The following CDK14 variants were observed in gnomAD, a reference collection of about 807,000 sequenced individuals.
CDK14 encodes the protein cyclin-dependent kinase 14.
A neutral mutation model predicts 60.7 loss-of-function variants in CDK14; 34 were observed. The ratio of observed to expected loss-of-function variants is 0.56; its 90% CI spans 0.43 to 0.75. CDK14 has a LOEUF of 0.75. Ranked by LOEUF, CDK14 falls within the 30% of genes least tolerant of loss-of-function variation. The pLI is 0.00. For synonymous variants in CDK14, 197 were observed against 203.7 expected, an observed-to-expected ratio of 0.97 and a Z score of 0.28; for missense variants, 482 against 564.1, an observed-to-expected ratio of 0.85 and a Z score of 1.47.
chr7:91,005,852 C>G (rs1795967347), intron 10 of CDK14, among the ~76,000 whole-genome samples: 1 of 152,208 alleles, frequency 6.6e-6, no homozygotes, highest in African/African-American at 2.4e-5. Context: ...GGAGACCGTT[C>G]CTTGTGAGGC....
At chr7:91,119,225 A>C (rs1274291217) in intron 14 of CDK14, among the ~76,000 whole-genome samples, 1 of 152,210 alleles carries the variant, frequency 6.6e-6, no homozygotes, top group African/African-American at 2.4e-5. Context: ...ACATACCTGT[A>C]ATCCCAGCAC....
intron 2 of CDK14, among the ~76,000 whole-genome samples, chr7:90,674,982 T>A (rs1032951979): frequency 6.6e-6 from 1 of 152,236 alleles, no homozygotes; most frequent in Admixed American, 6.5e-5. Flanking sequence ...CCCCAAATCG[T>A]CAATTTCAGT....
At chr7:90,984,014 A>G (rs1795311781) in intron 9 of CDK14, 134 bp from the exon 10 acceptor site, 1 of 650,036 alleles carries the variant, frequency 1.5e-6, no homozygotes. Context: ...AATCTAAAAT[A>G]AAAGTTAGAG....
chr7:90,939,782 A>G (rs1393362556), intron 8 of CDK14, among the ~76,000 whole-genome samples: 3 of 152,200 alleles, frequency 2.0e-5, no homozygotes, highest in African/African-American at 7.2e-5. Context: ...AGCCTATCCC[A>G]GGTTTTAGTA....
At chr7:90,740,913 G>A (rs1194515535) in intron 3 of CDK14, among the ~76,000 whole-genome samples, 1 of 152,116 alleles carries the variant, frequency 6.6e-6, no homozygotes, top group African/African-American at 2.4e-5. Context: ...GGGCAAATCG[G>A]TGTTTCTGGG....
At chr7:90,781,949 T>C (rs1050837609) in intron 4 of CDK14, among the ~76,000 whole-genome samples, 6 of 152,062 alleles carry the variant, frequency 3.9e-5, no homozygotes, top group African/African-American at 1.4e-4. Flanking sequence ...TCCAATTCTG[T>C]GCAGAAAGTC....
At chr7:91,128,598 T>C (rs1193157177) in intron 14 of CDK14, among the ~76,000 whole-genome samples, 1 of 152,080 alleles carries the variant, frequency 6.6e-6, no homozygotes, top group Non-Finnish European at 1.5e-5. Context: ...GGGAAAACAT[T>C]GTCAAAAAAA....
chr7:90,623,298 A>G (rs548627709), intron 2 of CDK14, among the ~76,000 whole-genome samples: 1 of 152,250 alleles, frequency 6.6e-6, no homozygotes, highest in Admixed American at 6.5e-5. Context: ...GTGTAGGCTG[A>G]CCACATGAAT....
chr7:91,063,496 T>C (rs188436026), intron 11 of CDK14, among the ~76,000 whole-genome samples: 15 of 152,348 alleles, frequency 9.8e-5, no homozygotes, highest in Admixed American at 6.5e-4. Context: ...ATACTCCCAA[T>C]GGAGATTGTT....
At chr7:90,922,010 A>G (rs1337404122) in intron 8 of CDK14, among the ~76,000 whole-genome samples, 1 of 152,186 alleles carries the variant, frequency 6.6e-6, no homozygotes, top group Non-Finnish European at 1.5e-5. Flanking sequence ...ATAGTAGTAA[A>G]CAGAAAGAAA....
intron 2 of CDK14, among the ~76,000 whole-genome samples, chr7:90,623,215 A>T (rs1054327511): frequency 6.6e-6 from 1 of 152,138 alleles, no homozygotes; most frequent in African/African-American, 2.4e-5. Context: ...CTAAAACTGC[A>T]CAGTGCAGGA....
chr7:91,058,985 G>C lies in CDK14; in HGVS notation c.1105+13025G>C, dbSNP rs1797684355. On this transcript the variant is annotated intron_variant, in intron 11 of 14. Coordinates refer to ENST00000380050, the MANE Select transcript of CDK14 (RefSeq NM_001287135.2). The stretch of plus-strand genomic sequence containing the variant: ...AGTAGCTTCAGAAGGAATGGTACCA[G>C]CTCCTCCTTGTACCTCTGGTAGAAT... Among the ~76,000 whole-genome samples, 7 of 152,348 alleles carry C rather than the reference G, an allele frequency of 4.6e-5. No homozygotes were observed. In the South Asian group the frequency reaches 1.5e-3, roughly 32 times the overall value.
intron 14 of CDK14, among the ~76,000 whole-genome samples, chr7:91,180,622 T>C (rs889053437): frequency 6.6e-6 from 1 of 152,330 alleles, no homozygotes; most frequent in African/African-American, 2.4e-5. Context: ...GTTGTTGTTA[T>C]TTTTAATTAA....
intron 2 of CDK14, among the ~76,000 whole-genome samples, chr7:90,613,997 T>A (rs1799598049): frequency 7.3e-6 from 1 of 136,304 alleles, no homozygotes; most frequent in African/African-American, 2.7e-5. Flanking sequence ...TTTTTTATAG[T>A]CCCAAACACT....
At chr7:90,745,764 T>C (rs1024831355) in intron 3 of CDK14, among the ~76,000 whole-genome samples, 3 of 152,242 alleles carry the variant, frequency 2.0e-5, no homozygotes, top group African/African-American at 7.2e-5. Flanking sequence ...TCCAAGGTTT[T>C]AGCTTATCTG....
chr7:90,810,808 C>G (rs1246292682), intron 5 of CDK14, among the ~76,000 whole-genome samples: 3 of 152,006 alleles, frequency 2.0e-5, no homozygotes, highest in South Asian at 4.2e-4. Context: ...CACAAGCATT[C>G]TTATACATCA....
intron 12 of CDK14, among the ~76,000 whole-genome samples, chr7:91,096,742 G>T (rs910296502): frequency 6.6e-6 from 1 of 152,136 alleles, no homozygotes; most frequent in Non-Finnish European, 1.5e-5. Context: ...GGAGTGCTGT[G>T]CAGTAAAGTA....
At position 90,596,390 on chromosome 7, in the gene CDK14, C is replaced by A. The variant is rs887276207; in HGVS notation, c.-238C>A. On this transcript the variant is annotated 5_prime_UTR_variant, in exon 1 of 15. Coordinates refer to ENST00000380050, the MANE Select transcript of CDK14 (RefSeq NM_001287135.2). ...GCCACCACGGCGGCGGCGAGCGCGGCCGCCCCCGGCACCACGTAAACCGCC... is the reference window on the plus strand; with the variant it reads ...GCCACCACGGCGGCGGCGAGCGCGGACGCCCCCGGCACCACGTAAACCGCC... 24 of 215,248 alleles carry A rather than the reference C, an allele frequency of 1.1e-4. 1 individual carries two copies. In the Admixed American group the frequency reaches 1.4e-3, roughly 12 times the overall value. 13.3% of individuals were successfully genotyped at this position (215,248 alleles called of 1,614,324 possible). A position where few individuals can be genotyped will look rare whatever the true frequency, so the allele number is the denominator to read the frequency against.
At chr7:90,981,408 A>G (rs1225499473) in intron 9 of CDK14, among the ~76,000 whole-genome samples, 3 of 152,246 alleles carry the variant, frequency 2.0e-5, no homozygotes, top group Non-Finnish European at 4.4e-5. Flanking sequence ...AAATAAAATT[A>G]CATCCTATGA....
Sources: allele counts gnomAD v4.1 joint callset (sites outside exome capture counted in the v4.1 genomes callset), GRCh38; gene constraint gnomAD v4.1.1; transcripts MANE v1.5; gene names NCBI Gene and HGNC (gene_info 2026-07-23, HGNC 2026-07-21).